TSPAN16: variants seen among roughly 807,000 people sequenced by gnomAD.
The protein encoded by TSPAN16 is tetraspanin 16.
A neutral mutation model predicts 25.2 loss-of-function variants in TSPAN16; 23 were observed. The ratio of observed to expected loss-of-function variants is 0.91; its 90% CI spans 0.66 to 1.29. The LOEUF (loss-of-function observed/expected upper bound fraction) is 1.29, where lower values mean the gene tolerates loss of function less well. Among genes scored for constraint, TSPAN16 ranks in the 50% most tolerant of loss-of-function variants. TSPAN16 has a pLI of 0.00. For missense variants in TSPAN16, 272 were observed against 299.9 expected (o/e 0.91, Z 0.69); for synonymous variants, 123 against 124.4 (o/e 0.99, Z 0.08).
At chr19:11,307,375 C>T (rs1228470574) in intron 5 of TSPAN16, among the ~76,000 whole-genome samples, 1 of 152,008 alleles carries the variant, frequency 6.6e-6, no homozygotes, top group Admixed American at 6.6e-5. Flanking sequence ...CCACCTCGGC[C>T]TCCCAAAGTG....
chr19:11,301,205 G>C lies in TSPAN16; in HGVS notation c.347G>C (p.Gly116Ala), dbSNP rs1422239959. 2 of 1,613,812 alleles carry C rather than the reference G, an allele frequency of 1.2e-6. No individual in the cohort carries two copies. The highest frequency in any genetic ancestry group is 2.2e-5 in the East Asian group (1 of 44,872). The change falls in exon 4 of 7, where the codon GGA becomes GCA. Residue 116 changes from glycine to alanine, a missense_variant. Coordinates refer to ENST00000590327, the MANE Select transcript of TSPAN16 (RefSeq NM_001282509.2). The part of the protein sequence containing the change: ...TVVLLFFPIV[G>A]DVALEHTFVT... ...ACTTCCTGTCCTCTCTGTGAGGTTG[G>C]AGATGTGGCCTTGGAACACACCTTC...
chr19:11,316,117 G>GTGTGTGT (rs375902342), downstream of TSPAN16: 74 of 228,834 alleles, frequency 3.2e-4, no homozygotes, highest in Non-Finnish European at 4.3e-4. Context: ...GTGTGTGTGT[G>GTGTGTGT]GTTTTTTTTT....
At position 11,296,350 on chromosome 19, in the gene TSPAN16, T is replaced by C. The variant is rs767079917; in HGVS notation, c.53T>C (p.Leu18Pro). The change falls in exon 1 of 7, where the codon CTC (leucine) becomes CCC (proline). Residue 18 changes from leucine to proline, a missense_variant. Physicochemically the swap from Leu to Pro is moderately conservative, Grantham distance 98. Coordinates refer to ENST00000590327, the MANE Select transcript of TSPAN16 (RefSeq NM_001282509.2). ...TCCTTGAAGAAACTGTTATCTTTACTCAATGGCTTCGTGGCTGTAAGTATG... is the reference window on the plus strand; with the variant it reads ...TCCTTGAAGAAACTGTTATCTTTACCCAATGGCTTCGTGGCTGTAAGTATG... Reference protein sequence around the residue: ...YSSLKKLLSLLNGFVAVSGII... With the variant: ...YSSLKKLLSLPNGFVAVSGII... 6.2e-7 allele frequency: 1 copy of C among 1,614,190 alleles called. No homozygotes were observed. Among genetic ancestry groups the C allele is most frequent in the East Asian group, 2.2e-5 (1 of 44,888 alleles).
intron 3 of TSPAN16, among the ~76,000 whole-genome samples, chr19:11,300,326 T>TG (rs1291716898): frequency 6.6e-6 from 1 of 152,114 alleles, no homozygotes; most frequent in Non-Finnish European, 1.5e-5. Flanking sequence ...GCATAGAACA[T>TG]GCACCTAGGT....
intron 4 of TSPAN16, among the ~76,000 whole-genome samples, chr19:11,304,390 T>C (rs1261724523): frequency 2.0e-5 from 3 of 151,586 alleles, no homozygotes; most frequent in African/African-American, 7.3e-5. Context: ...AAACTCAGGC[T>C]GGAGTTCAGT....
At chr19:11,302,525 T>G (rs945749948) in intron 4 of TSPAN16, among the ~76,000 whole-genome samples, 18 of 57,966 alleles carry the variant, frequency 3.1e-4, no homozygotes, top group African/African-American at 2.1e-3. Context: ...TGAGGCTCCA[T>G]CTCAAAAAAA....
chr19:11,316,811 CTTTTT>C (rs71164185), downstream of TSPAN16, among the ~76,000 whole-genome samples: 2 of 129,620 alleles, frequency 1.5e-5, no homozygotes, highest in South Asian at 2.6e-4. Context: ...CCCCCCCCGC[CTTTTT>C]TTTTTTTTTT....
chr19:11,315,790 G>A lies in TSPAN16; in HGVS notation c.688-1G>A. The stretch of plus-strand genomic sequence containing the variant: ...CATGTTTCTTTCTTCACGCATTTCA[G>A]TTGCCAGGAATTCTTGCCACTTTGC... On this transcript the variant is annotated splice_acceptor_variant, in intron 6 of 6. Transcript: ENST00000590327. LOFTEE classifies it high-confidence loss of function. The A allele has an allele frequency of 8.1e-7, 1 of 1,231,854 alleles. No individual in the cohort carries two copies. Among genetic ancestry groups the A allele is most frequent in the East Asian group, 3.2e-5 (1 of 31,674 alleles). The allele number at this position is 1,231,854 out of a possible 1,614,324, so 76.3% of individuals were successfully genotyped here. A position where few individuals can be genotyped will look rare whatever the true frequency, so the allele number is the denominator to read the frequency against.
At chr19:11,315,703 A>G (rs2080742451) in intron 6 of TSPAN16, 88 bp from the exon 7 acceptor site, 2 of 1,072,738 alleles carry the variant, frequency 1.9e-6, no homozygotes, top group Non-Finnish European at 2.4e-6. Flanking sequence ...CTGGAACAGG[A>G]TGCTCCCCTT....
rs1008466019 is a variant in TSPAN16, at chr19:11,297,851, GCA to G, written c.70-288_70-287del. ...CTGTCATCCAGGCTGGAGTACAGTG[GCA>G]CAGTCATAGCTCACTGCAGTCTCAA... On this transcript the variant is annotated intron_variant, in intron 1 of 6. Coordinates refer to ENST00000590327, the MANE Select transcript of TSPAN16 (RefSeq NM_001282509.2). Among the ~76,000 whole-genome samples, 152 of 152,204 alleles carry G rather than the reference GCA, an allele frequency of 1.0e-3. 1 individual carries two copies. Among genetic ancestry groups the G allele is most frequent in the African/African-American group, 3.5e-3 (147 of 41,524 alleles).
Position 11,306,663 on chromosome 19 carries a change from A to T in TSPAN16, c.510A>T (p.Thr170=), listed in dbSNP as rs143180878. 81 of 1,614,010 alleles carry T rather than the reference A, an allele frequency of 5.0e-5. No homozygotes were observed. The African/African-American group carries it at 7.7e-4, about 15-fold the overall frequency. Residue 170 remains threonine, a synonymous_variant, in exon 5 of 7, where the codon ACA becomes ACT. Transcript: ENST00000590327. ...TDFSGSSFEM[T]TGHTYPRSCC... ...TTTCTGGCTCTTCCTTCGAAATGAC[A>T]ACGGGCCACACCTACCCCAGGAGTT...
downstream of TSPAN16, among the ~76,000 whole-genome samples, chr19:11,318,498 C>T (rs913500890): frequency 9.9e-5 from 15 of 151,690 alleles, no homozygotes; most frequent in East Asian, 1.9e-4. Context: ...TGGGCTGTGA[C>T]GTGGGTCTGG....
At position 11,312,185 on chromosome 19, in the gene TSPAN16, C is replaced by A. The variant is rs1156708745; in HGVS notation, c.650C>A (p.Thr217Asn). The A allele has an allele frequency of 1.2e-6, 2 of 1,612,586 alleles. No homozygotes were observed. Among genetic ancestry groups the A allele is most frequent in the Non-Finnish European group, 1.7e-6 (2 of 1,179,630 alleles). The change falls in exon 6 of 7, where the codon ACC becomes AAC. Residue 217 changes from threonine to asparagine, a missense_variant. By Grantham distance (65) the Thr-to-Asn change is moderately conservative (BLOSUM62 0). Transcript: ENST00000590327. ...AAAATCACCAAGACTCAGAGCTTCA[C>A]CCTGAGTGGGAGCTCTCTGGGAGCT... ...LLKITKTQSF[T>N]LSGSSLGAAV...
intron 1 of TSPAN16, among the ~76,000 whole-genome samples, chr19:11,296,581 AT>A (rs1372083346): frequency 1.1e-4 from 16 of 152,320 alleles, no homozygotes; most frequent in African/African-American, 3.8e-4. Context: ...GATGAGTGTG[AT>A]CTGGGGGAGC....
chr19:11,298,389 A>G (rs904541584), intron 2 of TSPAN16, 50 bp downstream of exon 2: 48 of 1,570,262 alleles, frequency 3.1e-5, no homozygotes, highest in Non-Finnish European at 4.2e-5. Flanking sequence ...CACACACACA[A>G]ATCTTTTATT....
At chr19:11,297,654 G>A (rs760256560) in intron 1 of TSPAN16, among the ~76,000 whole-genome samples, 1 of 151,830 alleles carries the variant, frequency 6.6e-6, no homozygotes, top group Non-Finnish European at 1.5e-5. Context: ...CCACCACCAC[G>A]CCCGGCCAAT....
chr19:11,307,113 A>G (rs1232990227), intron 5 of TSPAN16, among the ~76,000 whole-genome samples: 1 of 137,674 alleles, frequency 7.3e-6, no homozygotes, highest in Non-Finnish European at 1.6e-5. Flanking sequence ...CAGCCTTTTT[A>G]TTTATTTATT....
At chr19:11,302,358 G>A (rs1365225526) in intron 4 of TSPAN16, among the ~76,000 whole-genome samples, 3 of 151,374 alleles carry the variant, frequency 2.0e-5, no homozygotes, top group Non-Finnish European at 4.4e-5. Flanking sequence ...GGCAGTGTGT[G>A]TCTTTACTAA....
At chr19:11,318,709 C>T (rs535029597), downstream of TSPAN16, among the ~76,000 whole-genome samples, 4 of 151,876 alleles carry the variant, frequency 2.6e-5, no homozygotes, top group African/African-American at 7.3e-5. Context: ...TGCAGTGGCA[C>T]GATCTCAGCT....
Sources: allele counts gnomAD v4.1 joint callset (sites outside exome capture counted in the v4.1 genomes callset), GRCh38; gene constraint gnomAD v4.1.1; transcripts MANE v1.5; gene names NCBI Gene and HGNC (gene_info 2026-07-23, HGNC 2026-07-21).